Variants in LRRC4C observed in about 807,000 individuals in gnomAD.
The protein encoded by LRRC4C is leucine-rich repeat-containing protein 4C.
LRRC4C carries 5 observed loss-of-function variants against 33.6 expected under a neutral mutation model. The observed-to-expected ratio is 0.15, with a 90% CI of 0.08 to 0.31. LRRC4C has a LOEUF of 0.31. Among genes scored for constraint, LRRC4C ranks in the 10% least tolerant of loss-of-function variants. The pLI is 1.00. For synonymous variants in LRRC4C, 329 were observed against 302.0 expected (o/e 1.09, Z -0.93); for missense variants, 560 against 796.7 (o/e 0.70, Z 3.58).
chr11:40,370,101 CTCTA>C (rs1380461234), intron 3 of LRRC4C, among the ~76,000 whole-genome samples: 1 of 152,040 alleles, frequency 6.6e-6, no homozygotes, highest in Non-Finnish European at 1.5e-5. Context: ...TTTAGAATTC[CTCTA>C]TCTGAGTATG....
chr11:40,199,705 T>C (rs1344402893), intron 5 of LRRC4C, among the ~76,000 whole-genome samples: 2 of 152,304 alleles, frequency 1.3e-5, no homozygotes, highest in South Asian at 2.1e-4. Context: ...GGCTGAACTA[T>C]ATCTGATTAT....
At chr11:40,270,643 C>T (rs1418773107) in intron 4 of LRRC4C, among the ~76,000 whole-genome samples, 1 of 152,024 alleles carries the variant, frequency 6.6e-6, no homozygotes, top group African/African-American at 2.4e-5. Flanking sequence ...AACCTCTATT[C>T]TTTCAACCAA....
At chr11:40,590,889 G>C (rs1450262249) in intron 3 of LRRC4C, among the ~76,000 whole-genome samples, 1 of 152,248 alleles carries the variant, frequency 6.6e-6, no homozygotes, top group African/African-American at 2.4e-5. Context: ...AAAGCTGTCA[G>C]ACAGGGACAT....
chr11:41,221,308 A>G (rs1427046075), intron 1 of LRRC4C, among the ~76,000 whole-genome samples: 1 of 152,168 alleles, frequency 6.6e-6, no homozygotes, highest in African/African-American at 2.4e-5. Flanking sequence ...AAAAACCTCA[A>G]TATCACTGAT....
chr11:40,995,361 T>TGATG (rs1255081494), intron 1 of LRRC4C, among the ~76,000 whole-genome samples: 2 of 152,078 alleles, frequency 1.3e-5, no homozygotes, highest in African/African-American at 4.8e-5. Flanking sequence ...TAACAACTAA[T>TGATG]GATGCATTAT....
At chr11:41,392,510 G>T (rs1274620061) in intron 1 of LRRC4C, among the ~76,000 whole-genome samples, 1 of 151,260 alleles carries the variant, frequency 6.6e-6, no homozygotes, top group Non-Finnish European at 1.5e-5. Context: ...ATTTGTACTG[G>T]GTTGAATAGT....
chr11:40,519,651 C>T (rs11035886), intron 3 of LRRC4C, among the ~76,000 whole-genome samples: 51,248 of 151,644 alleles, frequency 0.34, 10,394 homozygotes, highest in East Asian at 0.65. Flanking sequence ...GGCTGTTTTG[C>T]TTTTGGTGGA....
At chr11:40,117,306 A>T (rs1855505916) in intron 6 of LRRC4C, among the ~76,000 whole-genome samples, 1 of 152,230 alleles carries the variant, frequency 6.6e-6, no homozygotes, top group Non-Finnish European at 1.5e-5. Flanking sequence ...AGATGCACTG[A>T]AACAGTGACA....
At chr11:41,005,788 G>A (rs966409195) in intron 1 of LRRC4C, among the ~76,000 whole-genome samples, 5 of 152,056 alleles carry the variant, frequency 3.3e-5, no homozygotes, top group Non-Finnish European at 5.9e-5. Flanking sequence ...AGAAGAACTA[G>A]CCAAATAAAC....
chr11:41,009,072 T>C (rs886699384), intron 1 of LRRC4C, among the ~76,000 whole-genome samples: 4 of 152,164 alleles, frequency 2.6e-5, no homozygotes, highest in African/African-American at 7.2e-5. Flanking sequence ...AAAAATGGTA[T>C]AGCCAAATAG....
chr11:40,392,137 G>T (rs948389260), intron 3 of LRRC4C, among the ~76,000 whole-genome samples: 2 of 152,134 alleles, frequency 1.3e-5, no homozygotes, highest in Admixed American at 1.3e-4. Flanking sequence ...GGTTTGTGGG[G>T]ATGAGGGGAA....
At chr11:41,145,946 T>C (rs1035596430) in intron 1 of LRRC4C, among the ~76,000 whole-genome samples, 2 of 152,204 alleles carry the variant, frequency 1.3e-5, no homozygotes, top group Middle Eastern at 3.2e-3. Context: ...TTAGAGAATA[T>C]TTAGCATTCT....
intron 1 of LRRC4C, among the ~76,000 whole-genome samples, chr11:41,183,595 A>G (rs775039852): frequency 9.2e-5 from 14 of 152,144 alleles, no homozygotes; most frequent in Admixed American, 2.0e-4. Context: ...TTTGAAGGGT[A>G]CAGACTCCCT....
chr11:40,130,315 C>T (rs1223265258), intron 6 of LRRC4C, among the ~76,000 whole-genome samples: 3 of 152,032 alleles, frequency 2.0e-5, no homozygotes, highest in Non-Finnish European at 4.4e-5. Context: ...AGTCTGGAGC[C>T]CCACAATGCA....
intron 3 of LRRC4C, among the ~76,000 whole-genome samples, chr11:40,523,487 A>G (rs911044099): frequency 1.3e-5 from 2 of 150,594 alleles, no homozygotes; most frequent in Non-Finnish European, 3.0e-5. Context: ...ACTGATTTCT[A>G]TAGTTCTTAA....
chr11:40,138,803 G>A (rs1046046150), intron 6 of LRRC4C, among the ~76,000 whole-genome samples: 2 of 151,948 alleles, frequency 1.3e-5, no homozygotes, highest in African/African-American at 4.8e-5. Flanking sequence ...TTATTCTCTG[G>A]GAGGAAAATA....
At chr11:41,050,788 G>A (rs1858149825) in intron 1 of LRRC4C, among the ~76,000 whole-genome samples, 1 of 152,126 alleles carries the variant, frequency 6.6e-6, no homozygotes, top group African/African-American at 2.4e-5. Flanking sequence ...ACCCAGTAAT[G>A]GGATTGCTGG....
chr11:40,854,576 G>A (rs541030002), intron 2 of LRRC4C, among the ~76,000 whole-genome samples: 1 of 151,984 alleles, frequency 6.6e-6, no homozygotes, highest in South Asian at 2.1e-4. Context: ...TTAGTTGTTA[G>A]CTATAAGTAG....
At chr11:40,866,273 A>G (rs1954365507) in intron 2 of LRRC4C, among the ~76,000 whole-genome samples, 1 of 151,792 alleles carries the variant, frequency 6.6e-6, no homozygotes, top group African/African-American at 2.4e-5. Context: ...TTTCTCTAAT[A>G]GAGGAAATAC....
Sources: gnomAD v4.1 joint callset for allele counts (sites outside exome capture counted in the v4.1 genomes callset) on GRCh38, gnomAD v4.1.1 for gene constraint, MANE v1.5 for transcripts, NCBI Gene and HGNC (gene_info 2026-07-23, HGNC 2026-07-21) for gene names.